Variants in CLYBL observed in about 807,000 individuals in gnomAD.
CLYBL encodes citramalyl-CoA lyase, also known as citramalyl-CoA lyase, mitochondrial.
In CLYBL, 31 loss-of-function variants were observed where a neutral mutation model predicts 38.9. The observed-to-expected ratio is 0.80, with a 90% CI of 0.60 to 1.08. CLYBL has a LOEUF of 1.08. CLYBL is among the 50% of genes least tolerant of loss of function. The probability of loss-of-function intolerance (pLI) is 0.00; values close to 1 mark genes in which losing one functional copy is unlikely to be tolerated. For synonymous variants in CLYBL, 171 were observed against 158.6 expected (o/e 1.08, Z -0.59); for missense variants, 434 against 411.6 (o/e 1.05, Z -0.47).
At chr13:99,683,857 C>CTA (rs1315094086) in intron 1 of CLYBL, among the ~76,000 whole-genome samples, 1 of 149,374 alleles carries the variant, frequency 6.7e-6, no homozygotes, top group African/African-American at 2.5e-5. Flanking sequence ...GGTTGTATTG[C>CTA]TATATATATA....
At chr13:99,852,587 ATGT>A (rs1378447158) in intron 2 of CLYBL, among the ~76,000 whole-genome samples, 1 of 152,258 alleles carries the variant, frequency 6.6e-6, no homozygotes, top group African/African-American at 2.4e-5. Context: ...AACTAAAGCG[ATGT>A]TTCAGTCATT....
At chr13:99,801,836 G>T (rs1441189060) in intron 2 of CLYBL, among the ~76,000 whole-genome samples, 1 of 152,052 alleles carries the variant, frequency 6.6e-6, no homozygotes, top group East Asian at 1.9e-4. Flanking sequence ...GACCAACATG[G>T]AGAAGCCCCT....
chr13:99,847,197 C>T (rs2051225453), intron 2 of CLYBL, among the ~76,000 whole-genome samples: 1 of 152,156 alleles, frequency 6.6e-6, no homozygotes, highest in African/African-American at 2.4e-5. Flanking sequence ...AATTATGAGC[C>T]AATCACTCTT....
At chr13:99,829,722 G>A (rs1355371641) in intron 2 of CLYBL, among the ~76,000 whole-genome samples, 1 of 152,136 alleles carries the variant, frequency 6.6e-6, no homozygotes, top group Non-Finnish European at 1.5e-5. Flanking sequence ...TCCTCTAAGG[G>A]TACAGTGAAG....
chr13:99,606,780 C>T (rs752926753), intron 1 of CLYBL, 23 bp downstream of exon 1: 7 of 1,385,102 alleles, frequency 5.1e-6, no homozygotes, highest in Non-Finnish European at 5.6e-6. Context: ...CCCCGTTCCC[C>T]GCCTTCCCGG....
At chr13:99,775,636 G>A (rs1566321876) in intron 2 of CLYBL, among the ~76,000 whole-genome samples, 1 of 151,998 alleles carries the variant, frequency 6.6e-6, no homozygotes, top group Non-Finnish European at 1.5e-5. Context: ...AGCTTCCTAA[G>A]CAGCTGGGAC....
chr13:99,740,361 A>C (rs1347687166), intron 1 of CLYBL, among the ~76,000 whole-genome samples: 1 of 152,216 alleles, frequency 6.6e-6, no homozygotes, highest in Non-Finnish European at 1.5e-5. Context: ...TGTACCTTGC[A>C]GGGCAATGAT....
At chr13:99,680,755 T>C (rs1256802666) in intron 1 of CLYBL, among the ~76,000 whole-genome samples, 2 of 152,220 alleles carry the variant, frequency 1.3e-5, no homozygotes, top group East Asian at 3.8e-4. Context: ...TTCTGTGTAG[T>C]AGCAGAGACG....
intron 1 of CLYBL, among the ~76,000 whole-genome samples, chr13:99,659,538 C>T (rs914352414): frequency 2.6e-5 from 4 of 152,104 alleles, no homozygotes; most frequent in Admixed American, 6.6e-5. Flanking sequence ...ACCCCCTTTT[C>T]ATTTGTTGGT....
At chr13:99,754,748 CTT>C (rs35982336) in intron 1 of CLYBL, among the ~76,000 whole-genome samples, 9 of 124,418 alleles carry the variant, frequency 7.2e-5, no homozygotes, top group Non-Finnish European at 6.6e-5. Flanking sequence ...CCATGCCCAG[CTT>C]TTTTTTTTTT....
Position 99,735,224 on chromosome 13 carries a change from C to T in CLYBL, c.63-37600C>T, listed in dbSNP as rs536086376. On this transcript the variant is annotated intron_variant, in intron 1 of 8. Coordinates refer to ENST00000339105, the MANE Select transcript of CLYBL (RefSeq NM_206808.5). Reference sequence around the variant, plus strand: ...TTGTTTGTTTTTAGAGGCAGAGTCTCGCTGTGTCACCTAAACTGAAGTGCA... The same window carrying T: ...TTGTTTGTTTTTAGAGGCAGAGTCTTGCTGTGTCACCTAAACTGAAGTGCA... Among the ~76,000 whole-genome samples the T allele has an allele frequency of 1.5e-3, 223 of 152,302 alleles. 1 individual carries two copies. The highest frequency in any genetic ancestry group is 5.1e-3 in the African/African-American group (212 of 41,564).
At chr13:99,666,647 T>G (rs2047485951) in intron 1 of CLYBL, among the ~76,000 whole-genome samples, 1 of 152,202 alleles carries the variant, frequency 6.6e-6, no homozygotes, top group South Asian at 2.1e-4. Context: ...AATTGCTTTC[T>G]ATTCCTGCTG....
At chr13:99,617,731 G>A (rs920113386) in intron 1 of CLYBL, among the ~76,000 whole-genome samples, 4 of 152,122 alleles carry the variant, frequency 2.6e-5, no homozygotes, top group East Asian at 1.9e-4. Context: ...ACCTATAAAC[G>A]GTCCCTTTAA....
intron 9 of CLYBL, among the ~76,000 whole-genome samples, chr13:99,907,186 T>G (rs891120016): frequency 1.6e-4 from 25 of 152,346 alleles, no homozygotes; most frequent in African/African-American, 6.0e-4. Flanking sequence ...AGTCTGGAGC[T>G]GAACTGCCTG....
chr13:99,894,795 A>G (rs923494720), downstream of CLYBL: 1 of 148,342 alleles, frequency 6.7e-6, no homozygotes, highest in Admixed American at 6.8e-5. Flanking sequence ...CTTAATGACA[A>G]TCTGTGACAA....
intron 2 of CLYBL, among the ~76,000 whole-genome samples, chr13:99,833,381 G>A (rs2050863418): frequency 1.3e-5 from 2 of 151,756 alleles, no homozygotes; most frequent in African/African-American, 4.8e-5. Flanking sequence ...TATTCTTAAA[G>A]GAAAGAAGGA....
At chr13:99,857,145 T>C (rs1468394696) in intron 2 of CLYBL, among the ~76,000 whole-genome samples, 2 of 151,758 alleles carry the variant, frequency 1.3e-5, no homozygotes, top group Non-Finnish European at 2.9e-5. Flanking sequence ...TGAAACCCTG[T>C]CTCTACTAAA....
At chr13:99,663,682 A>C (rs999191789) in intron 1 of CLYBL, among the ~76,000 whole-genome samples, 3 of 152,178 alleles carry the variant, frequency 2.0e-5, no homozygotes, top group Non-Finnish European at 4.4e-5. Context: ...AGAAAACCAA[A>C]GGGATTAGCA....
intron 2 of CLYBL, among the ~76,000 whole-genome samples, chr13:99,817,673 AG>A (rs66529906): frequency 0.022 from 2,877 of 128,180 alleles, 122 homozygotes; most frequent in African/African-American, 0.076. Flanking sequence ...AAAAAAAAAA[AG>A]AAAAGAAAAA....
Sources: gnomAD v4.1 joint callset for allele counts (sites outside exome capture counted in the v4.1 genomes callset) on GRCh38, gnomAD v4.1.1 for gene constraint, MANE v1.5 for transcripts, NCBI Gene and HGNC (gene_info 2026-07-23, HGNC 2026-07-21) for gene names.